ABCA13: variants seen among roughly 807,000 people sequenced by gnomAD.
ABCA13 encodes the protein ATP-binding cassette sub-family A member 13.
A neutral mutation model predicts 478.7 loss-of-function variants in ABCA13; 476 were observed. The ratio of observed to expected loss-of-function variants is 0.99; its 90% CI spans 0.92 to 1.07. ABCA13 has a LOEUF of 1.07. ABCA13 is among the 50% of genes least tolerant of loss of function. The probability of loss-of-function intolerance (pLI) is 0.00; values close to 1 mark genes in which losing one functional copy is unlikely to be tolerated. For missense variants in ABCA13, 6,060 were observed against 5,910.6 expected, an observed-to-expected ratio of 1.03 and a Z score of -0.83; for synonymous variants, 2,252 against 2,158.9, an observed-to-expected ratio of 1.04 and a Z score of -1.20.
rs562487023 is a variant in ABCA13 at position 48,307,771 on chromosome 7, C to G, written c.9322-2176C>G. Among the ~76,000 whole-genome samples, 10 of 152,224 alleles carry G rather than the reference C, an allele frequency of 6.6e-5. 1 individual carries two copies. In the South Asian group the frequency reaches 2.1e-3, roughly 32 times the overall value. ...TCTCGGCTCACTGTGAGCTCCACCT[C>G]CTTGGTTCAAGCAATTCCCCTGCCT... On this transcript the variant is annotated intron_variant, in intron 23 of 61. Transcript: ENST00000435803.
intron 53 of ABCA13, among the ~76,000 whole-genome samples, chr7:48,521,482 A>C (rs1832541776): frequency 6.6e-6 from 1 of 152,166 alleles, no homozygotes; most frequent in Non-Finnish European, 1.5e-5. Context: ...TATAAATCCC[A>C]ATGTGCTTTT....
At chr7:48,511,230 A>G in intron 51 of ABCA13, 31 bp downstream of exon 51, 4 of 1,562,638 alleles carry the variant, frequency 2.6e-6, no homozygotes, top group Non-Finnish European at 3.5e-6. Context: ...CTGCAGAATT[A>G]CGGTTTGTTT....
intron 55 of ABCA13, among the ~76,000 whole-genome samples, chr7:48,554,822 T>TTTA (rs58085063): frequency 0.072 from 10,559 of 147,324 alleles, 524 homozygotes; most frequent in African/African-American, 0.14. Flanking sequence ...ATTATTATTA[T>TTTA]TTATTATTAT....
intron 31 of ABCA13, among the ~76,000 whole-genome samples, chr7:48,360,305 T>C (rs1337935712): frequency 2.6e-5 from 4 of 151,502 alleles, no homozygotes; most frequent in African/African-American, 9.7e-5. Flanking sequence ...TTTCTGTCCG[T>C]GTGATAGTTT....
intron 55 of ABCA13, among the ~76,000 whole-genome samples, chr7:48,564,253 A>G (rs1585823262): frequency 6.7e-6 from 1 of 149,488 alleles, no homozygotes; most frequent in Non-Finnish European, 1.5e-5. Flanking sequence ...AATAATAATA[A>G]CCTCAATTTA....
intron 48 of ABCA13, among the ~76,000 whole-genome samples, chr7:48,494,465 C>T (rs988942254): frequency 5.3e-5 from 8 of 151,972 alleles, no homozygotes; most frequent in South Asian, 2.1e-4. Context: ...TGGTGGTACC[C>T]GAGTGAAGGT....
At chr7:48,643,147 T>C in intron 59 of ABCA13, 141 bp from the exon 60 acceptor site, 1 of 535,450 alleles carries the variant, frequency 1.9e-6, no homozygotes, top group Admixed American at 3.3e-5. Flanking sequence ...TTAATTTCTG[T>C]GTCTTATATT....
chr7:48,203,982 CCT>C (rs1470221693), intron 3 of ABCA13, among the ~76,000 whole-genome samples: 18 of 152,134 alleles, frequency 1.2e-4, no homozygotes, highest in Non-Finnish European at 2.4e-4. Flanking sequence ...GCCCAGACCC[CCT>C]GAGAATCATC....
intron 29 of ABCA13, among the ~76,000 whole-genome samples, chr7:48,341,608 T>C (rs1390112194): frequency 1.3e-5 from 2 of 151,854 alleles, no homozygotes; most frequent in African/African-American, 4.8e-5. Context: ...TTGCTTTTAA[T>C]CAGTCTTGTC....
chr7:48,322,818 C>G (rs1280558833), intron 27 of ABCA13, among the ~76,000 whole-genome samples: 1 of 152,178 alleles, frequency 6.6e-6, no homozygotes, highest in African/African-American at 2.4e-5. Flanking sequence ...AGTTCCATTG[C>G]CCGAGCCCAC....
At chr7:48,363,806 A>G (rs1220684925) in intron 31 of ABCA13, among the ~76,000 whole-genome samples, 1 of 151,764 alleles carries the variant, frequency 6.6e-6, no homozygotes, top group East Asian at 1.9e-4. Flanking sequence ...CTGCTACTTT[A>G]CCATCTCATT....
chr7:48,242,787 A>G (rs1791048140), intron 10 of ABCA13, among the ~76,000 whole-genome samples: 1 of 152,224 alleles, frequency 6.6e-6, no homozygotes, highest in South Asian at 2.1e-4. Context: ...CACCCTTAGC[A>G]GAAAATTGTA....
intron 15 of ABCA13, among the ~76,000 whole-genome samples, chr7:48,260,701 A>G (rs1281043182): frequency 3.9e-5 from 6 of 152,022 alleles, no homozygotes; most frequent in Non-Finnish European, 8.8e-5. Context: ...TAGATGGTCT[A>G]TAAATGTATA....
At chr7:48,307,799 G>A (rs1246762438) in intron 23 of ABCA13, among the ~76,000 whole-genome samples, 1 of 152,022 alleles carries the variant, frequency 6.6e-6, no homozygotes, top group Non-Finnish European at 1.5e-5. Context: ...CCCTGCCTCA[G>A]TCTCCCAAGC....
intron 41 of ABCA13, among the ~76,000 whole-genome samples, chr7:48,423,054 A>C (rs1191179858): frequency 1.3e-5 from 2 of 152,220 alleles, no homozygotes; most frequent in African/African-American, 4.8e-5. Context: ...AAGCCACCAC[A>C]TTTGTGGTAA....
chr7:48,632,399 A>G (rs1794240664), intron 59 of ABCA13, among the ~76,000 whole-genome samples: 1 of 152,164 alleles, frequency 6.6e-6, no homozygotes, highest in Non-Finnish European at 1.5e-5. Flanking sequence ...CCTTGAAAGC[A>G]CAAACATGTT....
At chr7:48,610,043 TC>T (rs1256815392) in intron 58 of ABCA13, among the ~76,000 whole-genome samples, 1 of 152,088 alleles carries the variant, frequency 6.6e-6, no homozygotes, top group African/African-American at 2.4e-5. Flanking sequence ...TTCTCAAGAT[TC>T]CCCCATGTCT....
At chr7:48,306,249 T>A (rs1211745887) in intron 23 of ABCA13, among the ~76,000 whole-genome samples, 1 of 152,138 alleles carries the variant, frequency 6.6e-6, no homozygotes, top group East Asian at 1.9e-4. Flanking sequence ...ATGTAAAAAA[T>A]TTCAGGACAA....
At chr7:48,397,073 A>G (rs1041035099) in intron 38 of ABCA13, among the ~76,000 whole-genome samples, 1 of 152,196 alleles carries the variant, frequency 6.6e-6, no homozygotes, top group Non-Finnish European at 1.5e-5. Context: ...GCTTACCTCT[A>G]TCAGATTGAT....
Sources: gnomAD v4.1 joint callset for allele counts (sites outside exome capture counted in the v4.1 genomes callset) on GRCh38, gnomAD v4.1.1 for gene constraint, MANE v1.5 for transcripts, NCBI Gene and HGNC (gene_info 2026-07-23, HGNC 2026-07-21) for gene names.